NUDT18: variants seen among roughly 807,000 people sequenced by gnomAD.
The protein encoded by NUDT18 is 8-oxo-dGDP phosphatase NUDT18.
Under a neutral mutation model 27.6 loss-of-function variants are expected in NUDT18, and 26 were observed. The ratio of observed to expected loss-of-function variants is 0.94; its 90% CI spans 0.69 to 1.31. The LOEUF (loss-of-function observed/expected upper bound fraction) is 1.31. Ranked by LOEUF, NUDT18 falls within the 50% of genes most tolerant of loss-of-function variation. The pLI is 0.00. For synonymous variants in NUDT18, 220 were observed against 196.9 expected (o/e 1.12, Z -0.98); for missense variants, 450 against 433.4 (o/e 1.04, Z -0.34).
At chr8:22,109,860 C>G (rs1222522383), upstream of NUDT18, 1 of 407,622 alleles carries the variant, frequency 2.5e-6, no homozygotes, top group Non-Finnish European at 5.0e-6. Context: ...ATCCCAAATA[C>G]CTTTCTTCTC....
In NUDT18 at chr8:22,108,309, C is replaced by T. The variant is rs1826403913; in HGVS notation, c.200G>A (p.Cys67Tyr). 2 of 1,588,080 alleles carry T rather than the reference C, an allele frequency of 1.3e-6. No homozygotes were observed. Among genetic ancestry groups the T allele is most frequent in the Non-Finnish European group, 8.6e-7 (1 of 1,168,916 alleles). The part of the protein sequence containing the change: ...VLLIQEAKRE[C>Y]RGSWYLPAGR... ...CGCAGGCAGGTACCACGACCCCCGG[C>T]ACTCCCTCTTGGCCTCCTGGATCAG... is the stretch of plus-strand genomic sequence containing the variant. Residue 67 changes from cysteine (C) to tyrosine (Y), a missense_variant, in exon 2 of 3, where the codon TGC becomes TAC. By Grantham distance (194) the Cys-to-Tyr change is radical. Transcript: ENST00000611621.
At position 22,109,242 on chromosome 8, in the gene NUDT18, C is replaced by G; in HGVS notation, c.59G>C (p.Ser20Thr). The G allele has an allele frequency of 1.4e-6, 2 of 1,426,874 alleles. No homozygotes were observed. Among genetic ancestry groups the G allele is most frequent in the Non-Finnish European group, 9.1e-7 (1 of 1,098,628 alleles). 88.4% of individuals were successfully genotyped at this position (1,426,874 alleles called of 1,614,324 possible). ...CGGCGCCGAGTCGCAGCTGTGCACGCTGGACCCCTGGCCAGCCAGCACGGA... is the reference window on the plus strand; with the variant it reads ...CGGCGCCGAGTCGCAGCTGTGCACGGTGGACCCCTGGCCAGCCAGCACGGA... ...LASVLAGQGSSVHSCDSAPAG... is the reference protein window; with the variant it reads ...LASVLAGQGSTVHSCDSAPAG... Residue 20 changes from serine to threonine, a missense_variant, in exon 1 of 3, where the codon AGC becomes ACC. Transcript: ENST00000611621.
In NUDT18 at chr8:22,107,518, T is replaced by C; in HGVS notation, c.754A>G (p.Lys252Glu). The C allele has an allele frequency of 6.2e-7, 1 of 1,612,816 alleles. No homozygotes were observed. The highest frequency in any genetic ancestry group is 8.5e-7 in the Non-Finnish European group (1 of 1,179,754). The change falls in exon 3 of 3, where the codon AAG (lysine) becomes GAG (glutamate). Residue 252 changes from lysine to glutamate, a missense_variant. By Grantham distance (56) the Lys-to-Glu change is moderately conservative (BLOSUM62 1). Transcript: ENST00000611621. ...AGGTGCTGCAGTCCAAGCAACCCCT[T>C]GATCTCCACCACCAAGTGGTGCAGG... ...LTLHHLVVEI[K>E]GLLGLQHLGR...
intron 2 of NUDT18, 25 bp downstream of exon 2, chr8:22,108,108 C>T (rs1268507568): frequency 2.0e-6 from 3 of 1,478,706 alleles, no homozygotes; most frequent in Admixed American, 5.2e-5. Flanking sequence ...TGGCCCTGTT[C>T]ACACTGCCTC....
chr8:22,108,173 G>A lies in NUDT18; in HGVS notation c.336C>T (p.Gly112=). ...PETLLSVEER[G]PSWVRFVFLA... The stretch of plus-strand genomic sequence containing the variant: ...GGAACACGAAGCGGACCCAGGAGGG[G>A]CCCCGCTCCTCCACGGACAGCAGTG... The change falls in exon 2 of 3, where the codon GGC becomes GGT. Residue 112 remains glycine, a synonymous_variant. Coordinates refer to ENST00000611621, the MANE Select transcript of NUDT18 (RefSeq NM_024815.4). 1 of 1,567,314 alleles carries A rather than the reference G, an allele frequency of 6.4e-7. No homozygotes were observed. Among genetic ancestry groups the A allele is most frequent in the East Asian group, 2.3e-5 (1 of 43,642 alleles).
In NUDT18 at chr8:22,109,397, G is replaced by T; in HGVS notation, c.-97C>A. ...GCGGAGCCCGCTCCCAGTCCCTGCG[G>T]CAGCGGGCCGGGAGCTCACGAGAAC... On this transcript the variant is annotated 5_prime_UTR_variant, in exon 1 of 3. Transcript: ENST00000611621. 1 of 1,170,388 alleles carries T rather than the reference G, an allele frequency of 8.5e-7. No individual in the cohort carries two copies. Among genetic ancestry groups the T allele is most frequent in the Non-Finnish European group, 1.1e-6 (1 of 902,234 alleles). The allele number at this position is 1,170,388 out of a possible 1,614,324, so 72.5% of individuals were successfully genotyped here.
intron 1 of NUDT18, 94 bp downstream of exon 1, chr8:22,109,045 G>T: frequency 1.0e-6 from 1 of 982,890 alleles, no homozygotes; most frequent in Non-Finnish European, 1.4e-6. Context: ...CGCCACGCAC[G>T]CGGCAGCGCT....
intron 1 of NUDT18, 59 bp from the exon 2 acceptor site, chr8:22,108,405 G>A: frequency 6.8e-7 from 1 of 1,464,170 alleles, no homozygotes; most frequent in South Asian, 1.2e-5. Flanking sequence ...CGGGACCAGG[G>A]GGCATCTCAA....
rs868667219 is a variant in NUDT18 at position 22,108,436 on chromosome 8, C to T, written c.163-90G>A. Reference sequence around the variant, plus strand: ...CTCAAACACAGTCGCCCAAGACTCCCCTCTGGGTGGACACTCTCAACCCAG... The same window carrying T: ...CTCAAACACAGTCGCCCAAGACTCCTCTCTGGGTGGACACTCTCAACCCAG... On this transcript the variant is annotated intron_variant, in intron 1 of 2. Transcript: ENST00000611621. The T allele has an allele frequency of 6.7e-5, 79 of 1,183,272 alleles. 1 individual carries two copies. In the South Asian group the frequency reaches 9.1e-4, roughly 14 times the overall value. 73.3% of individuals were successfully genotyped at this position (1,183,272 alleles called of 1,614,324 possible).
At chr8:22,109,658 A>G (rs1436842122), upstream of NUDT18, 1 of 467,898 alleles carries the variant, frequency 2.1e-6, no homozygotes, top group African/African-American at 2.0e-5. Context: ...CCGCTCGCCA[A>G]CTCCCCGAGC....
chr8:22,109,031 G>A (rs1004376406), intron 1 of NUDT18, 108 bp downstream of exon 1: 4 of 856,222 alleles, frequency 4.7e-6, no homozygotes, highest in Admixed American at 4.3e-5. Context: ...GCAAAACTGG[G>A]AAGCGCCACG....
At position 22,108,315 on chromosome 8, in the gene NUDT18, C is replaced by T. The variant is rs1362273360; in HGVS notation, c.194G>A (p.Arg65Lys). The T allele has an allele frequency of 1.9e-6, 3 of 1,585,514 alleles. 1 individual carries two copies. The highest frequency in any genetic ancestry group is 2.3e-5 in the South Asian group (2 of 86,614). The change falls in exon 2 of 3, where the codon AGG becomes AAG. Residue 65 changes from arginine to lysine, a missense_variant. Arg to Lys is a conservative substitution (Grantham distance 26). Transcript: ENST00000611621. ...CAGGTACCACGACCCCCGGCACTCC[C>T]TCTTGGCCTCCTGGATCAGTAGCAC... ...DEVLLIQEAKRECRGSWYLPA... is the reference protein window; with the variant it reads ...DEVLLIQEAKKECRGSWYLPA...
chr8:22,108,084 G>C (rs1460055554), intron 2 of NUDT18, 49 bp downstream of exon 2: 1 of 1,444,496 alleles, frequency 6.9e-7, no homozygotes, highest in Admixed American at 2.8e-5. Context: ...AGGAGCTGGG[G>C]GAAAGGTGTC....
upstream of NUDT18, chr8:22,109,741 C>G (rs1478189489): frequency 2.2e-6 from 1 of 456,870 alleles, no homozygotes; most frequent in Non-Finnish European, 4.4e-6. Context: ...CCGGGGTAGG[C>G]GACGGTGACG....
At position 22,109,111 on chromosome 8, in the gene NUDT18, C is replaced by G. The variant is rs1826418210; in HGVS notation, c.162+28G>C. ...CTGGGCTGGCTGCGCGCTCCCGAGG[C>G]CCGGCGGGCCCGGGGGCGGCCGCTC... On this transcript the variant is annotated intron_variant, in intron 1 of 2. Transcript: ENST00000611621. 3 of 1,390,166 alleles carry G rather than the reference C, an allele frequency of 2.2e-6. No individual in the cohort carries two copies. The South Asian group carries it at 4.7e-5, about 22-fold the overall frequency. 86.1% of individuals were successfully genotyped at this position (1,390,166 alleles called of 1,614,324 possible).
At chr8:22,109,097 G>C in intron 1 of NUDT18, 42 bp downstream of exon 1, 1 of 1,363,776 alleles carries the variant, frequency 7.3e-7, no homozygotes, top group Admixed American at 3.9e-5. Context: ...TGGGCTGGCT[G>C]CGCGCTCCCG....
intron 1 of NUDT18, among the ~76,000 whole-genome samples, chr8:22,108,591 G>A (rs1481272963): frequency 6.6e-6 from 1 of 152,242 alleles, no homozygotes; most frequent in Non-Finnish European, 1.5e-5. Flanking sequence ...AGCCGCTTCA[G>A]GGGCTGGAGA....
Position 22,108,263 on chromosome 8 carries a change from C to G in NUDT18, c.246G>C (p.Glu82Asp). 6.3e-7 allele frequency: 1 copy of G among 1,596,094 alleles called. No homozygotes were observed. The highest frequency in any genetic ancestry group is 8.5e-7 in the Non-Finnish European group (1 of 1,172,178). Reference protein sequence around the residue: ...YLPAGRMEPGETIVEALQREV... With the variant: ...YLPAGRMEPGDTIVEALQREV... ...CCCGCTGCAGCGCCTCCACGATGGT[C>G]TCCCCTGGCTCCATTCTCCCCGCAG... The change falls in exon 2 of 3, where the codon GAG (glutamate) becomes GAC (aspartate). Residue 82 changes from glutamate to aspartate, a missense_variant. Physicochemically the swap from Glu to Asp is conservative, Grantham distance 45. Transcript: ENST00000611621.
In NUDT18 at chr8:22,108,105, G is replaced by A. The variant is rs528467125; in HGVS notation, c.376+28C>T. On this transcript the variant is annotated intron_variant, in intron 2 of 2. Transcript: ENST00000611621. ...TGGGGGAAAGGTGTCAACTGGCCCT[G>A]TTCACACTGCCTCCAGGTGGGCCAT... The A allele has an allele frequency of 2.0e-6, 3 of 1,477,020 alleles. No homozygotes were observed. In the South Asian group the frequency reaches 4.2e-5, roughly 21 times the overall value. 91.5% of individuals were successfully genotyped at this position (1,477,020 alleles called of 1,614,324 possible).
Sources: allele counts gnomAD v4.1 joint callset (sites outside exome capture counted in the v4.1 genomes callset), GRCh38; gene constraint gnomAD v4.1.1; transcripts MANE v1.5; gene names NCBI Gene and HGNC (gene_info 2026-07-23, HGNC 2026-07-21).